The following MSRB3 variants were observed in gnomAD, a reference collection of about 807,000 sequenced individuals.
The protein encoded by MSRB3 is methionine sulfoxide reductase B3.
A neutral mutation model predicts 21.0 loss-of-function variants in MSRB3; 13 were observed. The observed-to-expected ratio is 0.62, with a 90% CI of 0.40 to 0.98. The LOEUF (loss-of-function observed/expected upper bound fraction) is 0.98, where lower values mean the gene tolerates loss of function less well. Ranked by LOEUF, MSRB3 falls within the 50% of genes least tolerant of loss-of-function variation. The probability of loss-of-function intolerance (pLI) is 0.00; values close to 1 mark genes in which losing one functional copy is unlikely to be tolerated. For synonymous variants in MSRB3, 87 were observed against 88.6 expected (o/e 0.98, Z 0.10); for missense variants, 199 against 230.3 (o/e 0.86, Z 0.88).
At chr12:65,355,089 A>G (rs535038527) in intron 4 of MSRB3, among the ~76,000 whole-genome samples, 21 of 151,860 alleles carry the variant, frequency 1.4e-4, no homozygotes, top group Non-Finnish European at 3.1e-4. Context: ...GTTAAAGAAC[A>G]TGTAGGATAA....
intron 5 of MSRB3, among the ~76,000 whole-genome samples, chr12:65,441,789 G>A (rs1421440793): frequency 1.3e-5 from 2 of 151,946 alleles, no homozygotes; most frequent in African/African-American, 2.4e-5. Flanking sequence ...GTTCGATGAA[G>A]GTTCCTTCAT....
chr12:65,288,742 A>G (rs1872525862), intron 1 of MSRB3, among the ~76,000 whole-genome samples: 1 of 152,144 alleles, frequency 6.6e-6, no homozygotes, highest in African/African-American at 2.4e-5. Context: ...ATATATTACC[A>G]TTGGAATTTG....
At chr12:65,446,801 A>G (rs185331277) in intron 5 of MSRB3, among the ~76,000 whole-genome samples, 9 of 152,196 alleles carry the variant, frequency 5.9e-5, no homozygotes, top group Non-Finnish European at 1.2e-4. Flanking sequence ...CAAAATATGT[A>G]CAAGAGTTGT....
intron 4 of MSRB3, among the ~76,000 whole-genome samples, chr12:65,363,761 G>A (rs913536177): frequency 6.6e-6 from 1 of 152,128 alleles, no homozygotes. Flanking sequence ...TGAGACAGGC[G>A]GATCACTTGA....
chr12:65,352,639 CA>C (rs1473465134), intron 4 of MSRB3, among the ~76,000 whole-genome samples: 15 of 151,812 alleles, frequency 9.9e-5, no homozygotes, highest in African/African-American at 3.6e-4. Context: ...AATCAATGTA[CA>C]AAAATCACAA....
chr12:65,311,070 T>G (rs73318444), intron 2 of MSRB3, among the ~76,000 whole-genome samples: 4,023 of 152,262 alleles, frequency 0.026, 193 homozygotes, highest in African/African-American at 0.092. Context: ...CTTTTCAAAC[T>G]TTTAAACATG....
At chr12:65,398,189 C>T (rs1165125061) in intron 5 of MSRB3, among the ~76,000 whole-genome samples, 1 of 152,214 alleles carries the variant, frequency 6.6e-6, no homozygotes, top group African/African-American at 2.4e-5. Context: ...GCCACACTGT[C>T]TTCCACAATG....
At chr12:65,312,871 G>A (rs969987239) in intron 2 of MSRB3, among the ~76,000 whole-genome samples, 1 of 152,070 alleles carries the variant, frequency 6.6e-6, no homozygotes, top group Non-Finnish European at 1.5e-5. Flanking sequence ...ATAGCTGTAA[G>A]AGAGTACAAA....
chr12:65,306,610 A>G (rs17224652), intron 1 of MSRB3, among the ~76,000 whole-genome samples: 2,238 of 152,324 alleles, frequency 0.015, 47 homozygotes, highest in East Asian at 0.058. Flanking sequence ...CAGTATAGAA[A>G]GACTAGACTG....
chr12:65,296,135 C>G (rs1445056679), intron 1 of MSRB3, among the ~76,000 whole-genome samples: 1 of 152,132 alleles, frequency 6.6e-6, no homozygotes, highest in Non-Finnish European at 1.5e-5. Context: ...TAGTTGGTCA[C>G]AAAATTTGAA....
At chr12:65,320,183 TTA>T (rs1874571006) in intron 2 of MSRB3, among the ~76,000 whole-genome samples, 1 of 152,154 alleles carries the variant, frequency 6.6e-6, no homozygotes, top group Non-Finnish European at 1.5e-5. Context: ...GTGATTATTA[TTA>T]TGACATATAA....
At chr12:65,294,184 A>C (rs1196150824) in intron 1 of MSRB3, among the ~76,000 whole-genome samples, 1 of 152,160 alleles carries the variant, frequency 6.6e-6, no homozygotes, top group Non-Finnish European at 1.5e-5. Flanking sequence ...CCCTTGTTTC[A>C]TATGGCTTCC....
intron 1 of MSRB3, among the ~76,000 whole-genome samples, chr12:65,289,293 G>A (rs549060197): frequency 1.3e-5 from 2 of 152,140 alleles, no homozygotes; most frequent in Non-Finnish European, 2.9e-5. Flanking sequence ...TCAGGAGTTC[G>A]AGGCTAGCCT....
At chr12:65,403,788 C>G (rs371738942) in intron 5 of MSRB3, among the ~76,000 whole-genome samples, 7 of 152,298 alleles carry the variant, frequency 4.6e-5, no homozygotes, top group South Asian at 2.1e-4. Flanking sequence ...ATGGAAAACA[C>G]GCAGTATCTG....
intron 5 of MSRB3, among the ~76,000 whole-genome samples, chr12:65,453,121 G>A (rs1424528834): frequency 6.6e-6 from 1 of 152,160 alleles, no homozygotes; most frequent in South Asian, 2.1e-4. Flanking sequence ...GAGGACTGAT[G>A]CTCTATGAGT....
chr12:65,342,116 A>C lies in MSRB3; in HGVS notation c.263+13513A>C, dbSNP rs141374807. On this transcript the variant is annotated intron_variant, in intron 4 of 6. Transcript: ENST00000308259. ...TAGGCCTTTCTAAACAAGATTCCCAAAGCAGAAATAAAAAGATAAAAGACA... is the reference window on the plus strand; with the variant it reads ...TAGGCCTTTCTAAACAAGATTCCCACAGCAGAAATAAAAAGATAAAAGACA... Among the ~76,000 whole-genome samples the C allele has an allele frequency of 6.6e-5, 10 of 152,032 alleles. No individual in the cohort carries two copies. The East Asian group carries it at 1.9e-3, about 29-fold the overall frequency.
At chr12:65,371,328 CAAAAAAAAAA>C (rs34453745) in intron 5 of MSRB3, among the ~76,000 whole-genome samples, 2 of 84,860 alleles carry the variant, frequency 2.4e-5, no homozygotes, top group South Asian at 4.7e-4. Flanking sequence ...GACTCCATCT[CAAAAAAAAAA>C]AAAAAAAAAA....
In MSRB3 at chr12:65,422,961, C is replaced by CTTT. The variant is rs141803317; in HGVS notation, c.293-30751_293-30749dup. 6.5e-3 allele frequency among the ~76,000 whole-genome samples: 809 copies of CTTT among 124,294 alleles called. 16 individuals are homozygous for CTTT. The highest frequency in any genetic ancestry group is 0.017 in the African/African-American group (564 of 32,946). 81.5% of individuals were successfully genotyped at this position (124,294 alleles called of 152,430 possible). ...TTTTTGGTGGCATCTTTAGGGTTTT[C>CTTT]TTTTTTTTTTTTTTTTTTGAGACAG... On this transcript the variant is annotated intron_variant, in intron 5 of 6. Transcript: ENST00000308259.
At chr12:65,439,624 T>C (rs1882280939) in intron 5 of MSRB3, among the ~76,000 whole-genome samples, 1 of 151,712 alleles carries the variant, frequency 6.6e-6, no homozygotes, top group East Asian at 1.9e-4. Flanking sequence ...TATCTAACTC[T>C]ATGGGGTACA....
Sources: gnomAD v4.1 joint callset for allele counts (sites outside exome capture counted in the v4.1 genomes callset) on GRCh38, gnomAD v4.1.1 for gene constraint, MANE v1.5 for transcripts, NCBI Gene and HGNC (gene_info 2026-07-23, HGNC 2026-07-21) for gene names.